The following ANTXR1 variants were observed in gnomAD, a reference collection of about 807,000 sequenced individuals.
ANTXR1 encodes the protein anthrax toxin receptor 1.
A neutral mutation model predicts 78.1 loss-of-function variants in ANTXR1; 19 were observed. That is an observed-to-expected ratio of 0.24 (90% CI 0.17 to 0.36). The LOEUF (loss-of-function observed/expected upper bound fraction) is 0.36, where lower values mean the gene tolerates loss of function less well. Ranked by LOEUF, ANTXR1 falls within the 10% of genes least tolerant of loss-of-function variation. ANTXR1 has a pLI of 1.00. For synonymous variants in ANTXR1, 273 were observed against 260.5 expected (o/e 1.05, Z -0.46); for missense variants, 518 against 718.6 (o/e 0.72, Z 3.19).
At chr2:69,089,936 G>A (rs1379172613) in intron 8 of ANTXR1, among the ~76,000 whole-genome samples, 2 of 152,138 alleles carry the variant, frequency 1.3e-5, no homozygotes. Flanking sequence ...TTTATAAATG[G>A]TGGAGAGAAA....
chr2:69,183,700 C>T (rs111529490), intron 16 of ANTXR1, among the ~76,000 whole-genome samples: 3,659 of 150,684 alleles, frequency 0.024, 130 homozygotes, highest in African/African-American at 0.084. Context: ...CAGGCATGGG[C>T]CACCATGCCC....
At chr2:69,017,641 G>A (rs1048430060) in intron 1 of ANTXR1, among the ~76,000 whole-genome samples, 4 of 152,058 alleles carry the variant, frequency 2.6e-5, no homozygotes, top group East Asian at 1.9e-4. Context: ...TGGCTTTGGC[G>A]ACTGGGCTGG....
chr2:69,045,913 C>G (rs1469991351), intron 3 of ANTXR1, among the ~76,000 whole-genome samples: 56 of 152,112 alleles, frequency 3.7e-4, no homozygotes, highest in Admixed American at 3.6e-3. Context: ...AAACAGAACC[C>G]AGACCAGACC....
At chr2:69,241,685 G>A (rs905641280) in intron 17 of ANTXR1, among the ~76,000 whole-genome samples, 3 of 152,106 alleles carry the variant, frequency 2.0e-5, no homozygotes, top group Non-Finnish European at 1.5e-5. Context: ...CAGATGTGGA[G>A]TATAGAAGCT....
intron 10 of ANTXR1, among the ~76,000 whole-genome samples, chr2:69,110,968 C>T (rs142125112): frequency 3.3e-4 from 50 of 152,292 alleles, no homozygotes; most frequent in African/African-American, 1.0e-3. Context: ...TGTTAACAGC[C>T]ATCACCTCTG....
At chr2:69,109,232 G>A (rs573709116) in intron 10 of ANTXR1, among the ~76,000 whole-genome samples, 18 of 152,184 alleles carry the variant, frequency 1.2e-4, no homozygotes, top group Non-Finnish European at 1.5e-4. Flanking sequence ...AGTGTTGGCT[G>A]CTGGTACTAC....
chr2:69,104,759 CG>C (rs1200674966), intron 10 of ANTXR1, among the ~76,000 whole-genome samples: 3 of 152,078 alleles, frequency 2.0e-5, no homozygotes, highest in Non-Finnish European at 4.4e-5. Flanking sequence ...CCCTATGTGC[CG>C]TTGCTCAAAG....
intron 3 of ANTXR1, among the ~76,000 whole-genome samples, chr2:69,054,533 T>C (rs575588051): frequency 2.6e-5 from 4 of 152,292 alleles, no homozygotes; most frequent in Non-Finnish European, 5.9e-5. Flanking sequence ...AGTATCTTGC[T>C]TATTGCTTAA....
intron 17 of ANTXR1, among the ~76,000 whole-genome samples, chr2:69,234,973 G>GAAACTATA (rs1263945454): frequency 1.7e-5 from 2 of 119,678 alleles, no homozygotes; most frequent in East Asian, 4.9e-4. Flanking sequence ...ATAGAAAAGT[G>GAAACTATA]AAACTATAAC....
chr2:69,170,351 G>T, intron 14 of ANTXR1, 62 bp downstream of exon 14: 1 of 1,577,608 alleles, frequency 6.3e-7, no homozygotes, highest in East Asian at 2.2e-5. Flanking sequence ...TGGAGAGCTG[G>T]CTGGGCAGCT....
chr2:69,244,359 G>T (rs1277316932), intron 17 of ANTXR1, among the ~76,000 whole-genome samples: 1 of 152,216 alleles, frequency 6.6e-6, no homozygotes, highest in Non-Finnish European at 1.5e-5. Flanking sequence ...AAGGTACACA[G>T]GTTGTCAGTT....
chr2:69,129,822 A>T (rs926934290), intron 12 of ANTXR1, among the ~76,000 whole-genome samples: 2 of 152,060 alleles, frequency 1.3e-5, no homozygotes, highest in African/African-American at 2.4e-5. Context: ...ATGCCATAGG[A>T]TTTCAGAGCA....
chr2:69,077,585 T>C, intron 8 of ANTXR1, 97 bp downstream of exon 8: 2 of 1,325,016 alleles, frequency 1.5e-6, no homozygotes, highest in Non-Finnish European at 2.2e-6. Flanking sequence ...GCCTGGTGTT[T>C]TTCTGCTTAA....
intron 8 of ANTXR1, among the ~76,000 whole-genome samples, chr2:69,078,630 G>C (rs1162221916): frequency 6.6e-6 from 1 of 152,190 alleles, no homozygotes; most frequent in South Asian, 2.1e-4. Flanking sequence ...TTAACACTTA[G>C]AGATCCTTGG....
chr2:69,104,467 C>T (rs1273714635), intron 10 of ANTXR1, among the ~76,000 whole-genome samples: 2 of 152,180 alleles, frequency 1.3e-5, no homozygotes, highest in Non-Finnish European at 2.9e-5. Context: ...CCAAAAAGTA[C>T]GTGCTATTTG....
At chr2:69,204,296 G>A (rs141824465) in intron 17 of ANTXR1, among the ~76,000 whole-genome samples, 2 of 152,250 alleles carry the variant, frequency 1.3e-5, no homozygotes, top group East Asian at 1.9e-4. Flanking sequence ...TGAACAGTGT[G>A]GGGAAGAGCC....
chr2:69,086,297 G>A (rs13400665), intron 8 of ANTXR1, among the ~76,000 whole-genome samples: 19,677 of 152,180 alleles, frequency 0.13, 1,473 homozygotes, highest in East Asian at 0.23. Flanking sequence ...AGAACTTCAT[G>A]ACAAAGGACA....
chr2:69,032,086 G>T (rs1397416229), intron 1 of ANTXR1, among the ~76,000 whole-genome samples: 2 of 152,050 alleles, frequency 1.3e-5, no homozygotes, highest in Non-Finnish European at 2.9e-5. Flanking sequence ...TGTACAAAAA[G>T]GAATTATAGC....
chr2:69,028,106 G>GA (rs1306705102), intron 1 of ANTXR1, among the ~76,000 whole-genome samples: 2 of 152,096 alleles, frequency 1.3e-5, no homozygotes, highest in East Asian at 1.9e-4. Flanking sequence ...AATAATGAAT[G>GA]AAAAAAATAG....
Sources: gnomAD v4.1 joint callset for allele counts (sites outside exome capture counted in the v4.1 genomes callset) on GRCh38, gnomAD v4.1.1 for gene constraint, MANE v1.5 for transcripts, NCBI Gene and HGNC (gene_info 2026-07-23, HGNC 2026-07-21) for gene names.